Variants in COPS3 observed in about 807,000 individuals in gnomAD.
COPS3 encodes COP9 signalosome complex subunit 3.
In COPS3, 10 loss-of-function variants were observed where a neutral mutation model predicts 58.2. That is an observed-to-expected ratio of 0.17 (90% CI 0.11 to 0.29). The LOEUF is 0.29. Ranked by LOEUF, COPS3 falls within the 10% of genes least tolerant of loss-of-function variation. The pLI is 1.00. For synonymous variants in COPS3, 187 were observed against 181.7 expected (o/e 1.03, Z -0.24); for missense variants, 333 against 510.1 (o/e 0.65, Z 3.34).
At chr17:17,264,719 A>G (rs1185301092) in intron 6 of COPS3, 83 bp downstream of exon 6, 18 of 1,201,740 alleles carry the variant, frequency 1.5e-5, no homozygotes, top group Non-Finnish European at 1.9e-5. Context: ...CTGGGATCAG[A>G]CCACTCTAGC....
chr17:17,256,329 T>C (rs2047975195), intron 8 of COPS3, among the ~76,000 whole-genome samples: 1 of 152,150 alleles, frequency 6.6e-6, no homozygotes, highest in Admixed American at 6.5e-5. Flanking sequence ...TTGAATTTTG[T>C]ATTATAAATG....
At position 17,280,395 on chromosome 17, in the gene COPS3, C is replaced by T. The variant is rs1188918195; in HGVS notation, c.55+737G>A. On this transcript the variant is annotated intron_variant, in intron 1 of 11. Coordinates refer to ENST00000268717, the MANE Select transcript of COPS3 (RefSeq NM_003653.4). ...TCCAGCCTGGGAGACAGTGAGACTCCGTCTCAAAAAAAAAAAAAGCCGTGT... is the reference window on the plus strand; with the variant it reads ...TCCAGCCTGGGAGACAGTGAGACTCTGTCTCAAAAAAAAAAAAAGCCGTGT... Among the ~76,000 whole-genome samples, 7 of 144,068 alleles carry T rather than the reference C, an allele frequency of 4.9e-5. No homozygotes were observed. The East Asian group carries it at 1.4e-3, about 29-fold the overall frequency. 94.5% of individuals were successfully genotyped at this position (144,068 alleles called of 152,430 possible).
At chr17:17,251,016 C>CA (rs2047831314) in intron 9 of COPS3, among the ~76,000 whole-genome samples, 2 of 152,064 alleles carry the variant, frequency 1.3e-5, no homozygotes, top group African/African-American at 4.8e-5. Flanking sequence ...TTATTTGAGA[C>CA]AAGAGTCTTG....
rs768483639 is a variant in COPS3, at chr17:17,247,697, G to C, written c.1138-137C>G. ...AACCCCTGGGGCCACATGGGTTTTGGAGCCAGAGTATTTTGGACTCAGAAA... is the reference window on the plus strand; with the variant it reads ...AACCCCTGGGGCCACATGGGTTTTGCAGCCAGAGTATTTTGGACTCAGAAA... On this transcript the variant is annotated intron_variant, in intron 10 of 11. Coordinates refer to ENST00000268717, the MANE Select transcript of COPS3 (RefSeq NM_003653.4). 6.7e-6 allele frequency: 5 copies of C among 741,078 alleles called. No individual in the cohort carries two copies. In the African/African-American group the frequency reaches 7.0e-5, roughly 10 times the overall value. The allele number at this position is 741,078 out of a possible 1,614,324, so 45.9% of individuals were successfully genotyped here. A position where few individuals can be genotyped will look rare whatever the true frequency, so the allele number is the denominator to read the frequency against.
intron 9 of COPS3, 58 bp from the exon 10 acceptor site, chr17:17,249,097 A>G: frequency 1.1e-6 from 1 of 886,510 alleles, no homozygotes; most frequent in Non-Finnish European, 1.8e-6. Flanking sequence ...TGCTATATGA[A>G]TAGTCATCCA....
chr17:17,265,138 TCTG>T (rs1168104373), intron 5 of COPS3, among the ~76,000 whole-genome samples, 157 bp from the exon 6 acceptor site: 1 of 152,230 alleles, frequency 6.6e-6, no homozygotes, highest in Non-Finnish European at 1.5e-5. Context: ...ATTTCATGTA[TCTG>T]CTATCTGAAA....
chr17:17,252,473 C>CAGATAACGCTTTGGTGTG (rs1555616702), intron 9 of COPS3, among the ~76,000 whole-genome samples: 18 of 152,034 alleles, frequency 1.2e-4, no homozygotes, highest in East Asian at 5.8e-4. Context: ...GTCCTGGGCA[C>CAGATAACGCTTTGGTGTG]TGCAGGACGT....
chr17:17,252,685 G>A (rs2047878973), intron 9 of COPS3, among the ~76,000 whole-genome samples: 1 of 152,216 alleles, frequency 6.6e-6, no homozygotes, highest in African/African-American at 2.4e-5. Flanking sequence ...CCCGCAACGC[G>A]TTGCTAGCTA....
At chr17:17,272,257 T>C (rs1159939268) in intron 2 of COPS3, among the ~76,000 whole-genome samples, 1 of 151,978 alleles carries the variant, frequency 6.6e-6, no homozygotes, top group South Asian at 2.1e-4. Flanking sequence ...ACCCCATCTC[T>C]ACAAAAAATA....
intron 1 of COPS3, among the ~76,000 whole-genome samples, chr17:17,277,109 C>G (rs974965569): frequency 6.6e-6 from 1 of 152,160 alleles, no homozygotes; most frequent in African/African-American, 2.4e-5. Flanking sequence ...TGCTTCTACA[C>G]ATGCTGTTCT....
intron 11 of COPS3, 46 bp downstream of exon 11, chr17:17,247,434 C>G: frequency 6.4e-7 from 1 of 1,560,020 alleles, no homozygotes. Flanking sequence ...CAACACCCCT[C>G]CTTCTCCACC....
intron 7 of COPS3, chr17:17,260,802 CA>C (rs374998521): frequency 2.6e-3 from 236 of 89,822 alleles, no homozygotes; most frequent in South Asian, 5.1e-3. Flanking sequence ...AACTCCGTCT[CA>C]AAAAAAAAAA....
At chr17:17,274,495 G>C (rs1391910921) in intron 2 of COPS3, among the ~76,000 whole-genome samples, 1 of 150,556 alleles carries the variant, frequency 6.6e-6, no homozygotes, top group Admixed American at 6.7e-5. Context: ...CGTTGTCTCA[G>C]CTCACTGCAA....
intron 4 of COPS3, among the ~76,000 whole-genome samples, chr17:17,269,204 C>A (rs912452951): frequency 2.0e-5 from 3 of 152,066 alleles, no homozygotes; most frequent in Non-Finnish European, 4.4e-5. Context: ...GCAGGCGGAT[C>A]GCCTGTGGTC....
chr17:17,251,862 G>A (rs1024061272), intron 9 of COPS3, among the ~76,000 whole-genome samples: 4 of 152,032 alleles, frequency 2.6e-5, no homozygotes, highest in African/African-American at 4.8e-5. Context: ...GAGGTCAGGA[G>A]ATCAAGACCA....
At chr17:17,268,847 C>CAAA (rs200206343) in intron 4 of COPS3, among the ~76,000 whole-genome samples, 1 of 48,564 alleles carries the variant, frequency 2.1e-5, no homozygotes, top group Non-Finnish European at 4.1e-5. Flanking sequence ...ACAACAACAA[C>CAAA]AAAAATATAT....
rs539386234 is a variant in COPS3 at position 17,280,565 on chromosome 17, G to C, written c.55+567C>G. The C allele has an allele frequency of 1.0e-3, 1,288 of 1,276,000 alleles. 1 individual carries two copies. Among genetic ancestry groups the C allele is most frequent in the Non-Finnish European group, 1.2e-3 (1,207 of 972,514 alleles). The allele number at this position is 1,276,000 out of a possible 1,614,324, so 79.0% of individuals were successfully genotyped here. On this transcript the variant is annotated intron_variant, in intron 1 of 11. Coordinates refer to ENST00000268717, the MANE Select transcript of COPS3 (RefSeq NM_003653.4). ...AAAAAAAAACAAAGAAGAAGAAATGGAGTCCTACGAGCGAGAGCTTCCGCA... is the reference window on the plus strand; with the variant it reads ...AAAAAAAAACAAAGAAGAAGAAATGCAGTCCTACGAGCGAGAGCTTCCGCA...
intron 4 of COPS3, among the ~76,000 whole-genome samples, chr17:17,269,100 G>A (rs2048291073): frequency 6.6e-6 from 1 of 152,140 alleles, no homozygotes; most frequent in South Asian, 2.1e-4. Flanking sequence ...TGAAGCAGGC[G>A]GATCACCAGA....
At chr17:17,280,470 G>C in intron 1 of COPS3, 1 of 941,788 alleles carries the variant, frequency 1.1e-6, no homozygotes, top group Non-Finnish European at 1.4e-6. Context: ...TGAGACAGGA[G>C]AATCGCTTGA....
Sources: gnomAD v4.1 joint callset for allele counts (sites outside exome capture counted in the v4.1 genomes callset) on GRCh38, gnomAD v4.1.1 for gene constraint, MANE v1.5 for transcripts, NCBI Gene and HGNC (gene_info 2026-07-23, HGNC 2026-07-21) for gene names.